Variants in RIC3 observed in about 807,000 individuals in gnomAD.
The protein encoded by RIC3 is protein RIC-3.
A neutral mutation model predicts 27.3 loss-of-function variants in RIC3; 28 were observed. The ratio of observed to expected loss-of-function variants is 1.02; its 90% CI spans 0.76 to 1.41. The LOEUF (loss-of-function observed/expected upper bound fraction) is 1.41. Among genes scored for constraint, RIC3 ranks in the 40% most tolerant of loss-of-function variants. The pLI, the probability that RIC3 is intolerant of heterozygous loss-of-function variation, is 0.00. For missense variants in RIC3, 501 were observed against 444.7 expected, an observed-to-expected ratio of 1.13 and a Z score of -1.14; for synonymous variants, 184 against 160.4, an observed-to-expected ratio of 1.15 and a Z score of -1.11.
At chr11:8,163,770 T>A (rs1435030675) in intron 1 of RIC3, among the ~76,000 whole-genome samples, 2 of 150,800 alleles carry the variant, frequency 1.3e-5, no homozygotes, top group African/African-American at 4.9e-5. Context: ...GGCAGTACTC[T>A]CCAAATTGCT....
chr11:8,113,216 A>G (rs1370509234), intron 5 of RIC3, among the ~76,000 whole-genome samples: 2 of 152,226 alleles, frequency 1.3e-5, no homozygotes, highest in Non-Finnish European at 2.9e-5. Flanking sequence ...CTGAATGCTT[A>G]AAAGAAGTCC....
downstream of RIC3, chr11:8,101,537 TG>T: frequency 6.2e-7 from 1 of 1,614,250 alleles, no homozygotes; most frequent in Non-Finnish European, 8.5e-7. Context: ...GTGTTCACCA[TG>T]GATTACAACT....
the RIC3 span, chr11:8,094,024 T>C: frequency 6.2e-7 from 1 of 1,614,042 alleles, no homozygotes; most frequent in South Asian, 1.1e-5. Context: ...TCTCTCTCCA[T>C]CTGGGGATGT....
chr11:8,128,899 C>A (rs1055770046), intron 4 of RIC3, among the ~76,000 whole-genome samples: 1 of 151,784 alleles, frequency 6.6e-6, no homozygotes, highest in Non-Finnish European at 1.5e-5. Flanking sequence ...GGACTACAGG[C>A]GCCAGCCACC....
rs999226425 is a variant in RIC3 at position 8,134,440 on chromosome 11, G to C, written c.521+2938C>G. ...TTCCAAGTCTTTGCTATTGTGAATA[G>C]TGCCTCAGTAAACATATGTGTGCAT... On this transcript the variant is annotated intron_variant, in intron 4 of 5. Transcript: ENST00000309737. Among the ~76,000 whole-genome samples, 6 of 152,162 alleles carry C rather than the reference G, an allele frequency of 3.9e-5. No homozygotes were observed. The East Asian group carries it at 1.2e-3, about 29-fold the overall frequency.
intron 4 of RIC3, among the ~76,000 whole-genome samples, chr11:8,131,036 C>A (rs951158333): frequency 9.9e-5 from 15 of 152,066 alleles, no homozygotes; most frequent in African/African-American, 4.8e-5. Flanking sequence ...AGAAAGAAAA[C>A]CGAAAGGAGG....
the RIC3 span, chr11:8,101,017 C>T: frequency 1.2e-6 from 2 of 1,613,818 alleles, no homozygotes; most frequent in South Asian, 2.2e-5. Context: ...TCTGTCCCTA[C>T]TCATTATGGT....
At position 8,110,940 on chromosome 11, in the gene RIC3, C is replaced by T. The variant is rs576349071; in HGVS notation, c.868G>A (p.Asp290Asn). ...GGATCACACGAGGTAACAGAATTAT[C>T]TTCCTGGGCTCTGGGGTCAGTGGGC... ...SLPTDPRAQEDNSVTSCDPKP... is the reference protein window; with the variant it reads ...SLPTDPRAQENNSVTSCDPKP... Residue 290 changes from aspartate (D) to asparagine (N), a missense_variant, in exon 6 of 6, where the codon GAT (aspartate) becomes AAT (asparagine). Asp to Asn is a conservative substitution (Grantham distance 23, BLOSUM62 1). Coordinates refer to ENST00000309737, the MANE Select transcript of RIC3 (RefSeq NM_001206671.4). 2.4e-5 allele frequency: 38 copies of T among 1,614,190 alleles called. No homozygotes were observed. The South Asian group carries it at 3.7e-4, about 16-fold the overall frequency.
At chr11:8,097,706 T>C in the RIC3 span, 1 of 1,608,954 alleles carries the variant, frequency 6.2e-7, no homozygotes, top group Non-Finnish European at 8.5e-7. Flanking sequence ...CTCATTCCAC[T>C]CCCCAAGGTG....
the RIC3 span, chr11:8,100,597 G>A: frequency 8.1e-5 from 131 of 1,613,676 alleles, 3 homozygotes; most frequent in East Asian, 8.9e-4. Flanking sequence ...ATCCGCCCCC[G>A]CAACGTGAGT....
chr11:8,126,202 T>C (rs1946973397), intron 5 of RIC3, among the ~76,000 whole-genome samples: 1 of 152,038 alleles, frequency 6.6e-6, no homozygotes, highest in African/African-American at 2.4e-5. Context: ...ACCCAAACGC[T>C]CCTCAACTGG....
rs560790719 is a variant in RIC3, at chr11:8,109,738, G to A, written c.*960C>T. The A allele has an allele frequency of 2.0e-5, 3 of 152,208 alleles. No individual in the cohort carries two copies. The highest frequency in any genetic ancestry group is 7.2e-5 in the African/African-American group (3 of 41,442). The allele number at this position is 152,208 out of a possible 1,614,324, so 9.4% of individuals were successfully genotyped here. A position where few individuals can be genotyped will look rare whatever the true frequency, so the allele number is the denominator to read the frequency against. ...GGTAAGGACTGTCCATAAGCACACA[G>A]ATTCTCTCCCCTATTGCTGGCTTCC... On this transcript the variant is annotated 3_prime_UTR_variant, in exon 6 of 6. Coordinates refer to ENST00000309737, the MANE Select transcript of RIC3 (RefSeq NM_001206671.4).
intron 4 of RIC3, among the ~76,000 whole-genome samples, chr11:8,133,696 T>C (rs990624688): frequency 3.9e-5 from 6 of 152,170 alleles, no homozygotes; most frequent in African/African-American, 1.4e-4. Context: ...ACTCCAGATG[T>C]AGTACAGTGA....
rs1944835356 is a variant in RIC3 at position 8,107,786 on chromosome 11, G to A, written c.*2912C>T. 6.6e-6 allele frequency: 1 copy of A among 152,188 alleles called. No individual in the cohort carries two copies. The highest frequency in any genetic ancestry group is 6.5e-5 in the Admixed American group (1 of 15,280). The allele number at this position is 152,188 out of a possible 1,614,324, so 9.4% of individuals were successfully genotyped here. A position where few individuals can be genotyped will look rare whatever the true frequency, so the allele number is the denominator to read the frequency against. Reference sequence around the variant, plus strand: ...TTTACCAAGAGTGATCCCAGATTATGCAGTTGTTTTGTGAGCTAACTGTCC... The same window carrying A: ...TTTACCAAGAGTGATCCCAGATTATACAGTTGTTTTGTGAGCTAACTGTCC... On this transcript the variant is annotated 3_prime_UTR_variant, in exon 6 of 6. Coordinates refer to ENST00000309737, the MANE Select transcript of RIC3 (RefSeq NM_001206671.4).
chr11:8,111,052 G>A lies in RIC3; in HGVS notation c.756C>T (p.Asp252=), dbSNP rs987854014. ...RQETILVDYP[D]PKELSAEEIA... is the part of the protein sequence containing the mutation. ...TTTCTTCAGCAGAAAGTTCTTTTGGGTCAGGGTAATCCACCAAGATTGTTT... is the reference window on the plus strand; with the variant it reads ...TTTCTTCAGCAGAAAGTTCTTTTGGATCAGGGTAATCCACCAAGATTGTTT... The change falls in exon 6 of 6, where the codon GAC becomes GAT. Residue 252 remains aspartate (D), a synonymous_variant. Coordinates refer to ENST00000309737, the MANE Select transcript of RIC3 (RefSeq NM_001206671.4). 2 of 1,614,018 alleles carry A rather than the reference G, an allele frequency of 1.2e-6. No homozygotes were observed. The highest frequency in any genetic ancestry group is 3.3e-5 in the Admixed American group (2 of 60,008).
chr11:8,140,176 G>A lies in RIC3; in HGVS notation c.142C>T (p.Pro48Ser), dbSNP rs1017902927. The A allele has an allele frequency of 1.9e-6, 3 of 1,611,550 alleles. No homozygotes were observed. The highest frequency in any genetic ancestry group is 1.7e-6 in the Non-Finnish European group (2 of 1,179,136). ...GCCTGGTGATGATGCATCATAGGTG[G>A]AAATCGGCCCAATTTTCCTGAGAAA... ...PTPEGKLGRF[P>S]PMMHHHQAPS... Residue 48 changes from proline (P) to serine (S), a missense_variant, in exon 2 of 6, where the codon CCA (proline) becomes TCA (serine). Coordinates refer to ENST00000309737, the MANE Select transcript of RIC3 (RefSeq NM_001206671.4).
At chr11:8,139,695 G>T in intron 2 of RIC3, 1 of 245,856 alleles carries the variant, frequency 4.1e-6, no homozygotes, top group East Asian at 7.5e-5. Flanking sequence ...ATCACTCACT[G>T]GATTAAGAAC....
chr11:8,100,699 G>GC, the RIC3 span: 3 of 1,520,248 alleles, frequency 2.0e-6, no homozygotes, highest in Middle Eastern at 3.4e-4. Flanking sequence ...ATGTGGAGGG[G>GC]TACCATGTGA....
chr11:8,107,214 T>C lies in RIC3; in HGVS notation c.*3484A>G, dbSNP rs1944762745. 1 of 152,228 alleles carries C rather than the reference T, an allele frequency of 6.6e-6. No homozygotes were observed. Among genetic ancestry groups the C allele is most frequent in the Non-Finnish European group, 1.5e-5 (1 of 68,036 alleles). The allele number at this position is 152,228 out of a possible 1,614,324, so 9.4% of individuals were successfully genotyped here. A position where few individuals can be genotyped will look rare whatever the true frequency, so the allele number is the denominator to read the frequency against. On this transcript the variant is annotated 3_prime_UTR_variant, in exon 6 of 6. Coordinates refer to ENST00000309737, the MANE Select transcript of RIC3 (RefSeq NM_001206671.4). ...CAATATTGCTGAATAGCTAAAGCAC[T>C]AAATTTTTCTTTGGAATACAAATAG...
Sources: allele counts gnomAD v4.1 joint callset (sites outside exome capture counted in the v4.1 genomes callset), GRCh38; gene constraint gnomAD v4.1.1; transcripts MANE v1.5; gene names NCBI Gene and HGNC (gene_info 2026-07-23, HGNC 2026-07-21).